ENOX1: variants seen among roughly 807,000 people sequenced by gnomAD.
ENOX1 encodes the protein ecto-NOX disulfide-thiol exchanger 1, also known as candidate growth-related and time keeping constitutive hydroquinone (NADH) oxidase.
A neutral mutation model predicts 82.5 loss-of-function variants in ENOX1; 42 were observed. The ratio of observed to expected loss-of-function variants is 0.51; its 90% CI spans 0.40 to 0.66. The LOEUF (loss-of-function observed/expected upper bound fraction) is 0.66, where lower values mean the gene tolerates loss of function less well. Ranked by LOEUF, ENOX1 falls within the 30% of genes least tolerant of loss-of-function variation. The pLI is 0.00. For synonymous variants in ENOX1, 271 were observed against 282.2 expected (o/e 0.96, Z 0.40); for missense variants, 608 against 811.6 (o/e 0.75, Z 3.05).
At chr13:43,365,939 C>T (rs1010596487) in intron 5 of ENOX1, among the ~76,000 whole-genome samples, 1 of 152,224 alleles carries the variant, frequency 6.6e-6, no homozygotes, top group Admixed American at 6.5e-5. Flanking sequence ...AACAAACATG[C>T]AATTGTGCTG....
intron 12 of ENOX1, among the ~76,000 whole-genome samples, chr13:43,294,550 C>T (rs1017281068): frequency 5.9e-5 from 9 of 152,148 alleles, no homozygotes; most frequent in South Asian, 2.1e-4. Context: ...ATGGTACAGA[C>T]GCTTGGGAAA....
At chr13:43,520,680 G>C (rs1566439706) in intron 2 of ENOX1, among the ~76,000 whole-genome samples, 1 of 152,176 alleles carries the variant, frequency 6.6e-6, no homozygotes. Flanking sequence ...GTCAGGTAGA[G>C]ATGGCATGTG....
chr13:43,769,964 G>A (rs1276479842), intron 1 of ENOX1, among the ~76,000 whole-genome samples: 1 of 152,212 alleles, frequency 6.6e-6, no homozygotes, highest in African/African-American at 2.4e-5. Context: ...TGCAAAAGGA[G>A]CGTATCTTTT....
chr13:43,421,508 A>G (rs2153607010), intron 3 of ENOX1, among the ~76,000 whole-genome samples: 1 of 152,288 alleles, frequency 6.6e-6, no homozygotes, highest in South Asian at 2.1e-4. Flanking sequence ...TAAATCAGGG[A>G]CCATCTGTGT....
intron 2 of ENOX1, among the ~76,000 whole-genome samples, chr13:43,643,648 T>TATATATATATAC (rs1291878348): frequency 6.7e-6 from 1 of 150,040 alleles, no homozygotes; most frequent in Non-Finnish European, 1.5e-5. Flanking sequence ...TATATATATA[T>TATATATATATAC]ACACACACAT....
chr13:43,303,567 T>A (rs969491262), intron 11 of ENOX1, among the ~76,000 whole-genome samples: 3 of 152,188 alleles, frequency 2.0e-5, no homozygotes, highest in Admixed American at 2.0e-4. Context: ...AGTCCCTCAG[T>A]CTCTGCCTGC....
At chr13:43,353,431 A>C (rs1031531204) in intron 8 of ENOX1, among the ~76,000 whole-genome samples, 2 of 152,250 alleles carry the variant, frequency 1.3e-5, no homozygotes, top group Non-Finnish European at 2.9e-5. Context: ...GGAGGAAAAA[A>C]ATCAAATCCA....
intron 15 of ENOX1, among the ~76,000 whole-genome samples, chr13:43,231,917 C>G (rs2042301365): frequency 1.3e-5 from 2 of 152,010 alleles, no homozygotes; most frequent in Non-Finnish European, 2.9e-5. Flanking sequence ...TTGCAATGAA[C>G]AGGATCACTT....
chr13:43,473,852 A>T (rs895895207), intron 3 of ENOX1, among the ~76,000 whole-genome samples: 3 of 152,134 alleles, frequency 2.0e-5, no homozygotes, highest in African/African-American at 7.2e-5. Flanking sequence ...GGTGCCCTGC[A>T]CTTTAATGTC....
chr13:43,677,196 G>A (rs946555394), intron 1 of ENOX1, among the ~76,000 whole-genome samples: 1 of 152,162 alleles, frequency 6.6e-6, no homozygotes, highest in Non-Finnish European at 1.5e-5. Context: ...CAGATGGCAA[G>A]CATGAAGGCA....
At chr13:43,336,703 C>T (rs924454887) in intron 9 of ENOX1, among the ~76,000 whole-genome samples, 6 of 151,962 alleles carry the variant, frequency 3.9e-5, no homozygotes, top group Non-Finnish European at 5.9e-5. Context: ...TATCCAGAGA[C>T]GATAAAGGAT....
intron 2 of ENOX1, among the ~76,000 whole-genome samples, chr13:43,654,442 T>A (rs1012111423): frequency 6.6e-6 from 1 of 152,216 alleles, no homozygotes; most frequent in African/African-American, 2.4e-5. Context: ...ATGTATCTAA[T>A]GTATAGATAG....
At chr13:43,300,391 A>G (rs958311250) in intron 11 of ENOX1, among the ~76,000 whole-genome samples, 1 of 152,226 alleles carries the variant, frequency 6.6e-6, no homozygotes, top group African/African-American at 2.4e-5. Flanking sequence ...AAATGAGTCG[A>G]GATGCATGAC....
Position 43,353,960 on chromosome 13 carries a change from G to A in ENOX1, c.823+1959C>T, listed in dbSNP as rs566847695. ...CAAATGCCACATACTTCATACGTGC[G>A]GAGACACTTCTGTACTGGGTTCTTA... On this transcript the variant is annotated intron_variant, in intron 8 of 16. Coordinates refer to ENST00000690772, the MANE Select transcript of ENOX1 (RefSeq NM_001347969.2). Among the ~76,000 whole-genome samples, 9 of 152,308 alleles carry A rather than the reference G, an allele frequency of 5.9e-5. No homozygotes were observed. In the South Asian group the frequency reaches 1.0e-3, roughly 18 times the overall value.
chr13:43,473,438 T>C (rs1280840819), intron 3 of ENOX1, among the ~76,000 whole-genome samples: 1 of 152,166 alleles, frequency 6.6e-6, no homozygotes, highest in African/African-American at 2.4e-5. Context: ...CAGTCTTTTG[T>C]GTGTGTGAAA....
rs1003064468 is a variant in ENOX1 at position 43,401,490 on chromosome 13, T to A, written c.208+10426A>T. Among the ~76,000 whole-genome samples the A allele has an allele frequency of 1.8e-4, 28 of 152,102 alleles. 1 individual carries two copies. Among genetic ancestry groups the A allele is most frequent in the Non-Finnish European group, 2.9e-5 (2 of 68,022 alleles). ...GAACAGAGCCTGAGGTCTGTCTGAA[T>A]TAGACATCTGGGGAAACCAATGCCC... On this transcript the variant is annotated intron_variant, in intron 5 of 16. Transcript: ENST00000690772.
At chr13:43,299,005 G>A (rs1412979592) in intron 11 of ENOX1, among the ~76,000 whole-genome samples, 16 of 152,154 alleles carry the variant, frequency 1.1e-4, no homozygotes. Context: ...GGGGAGAGAG[G>A]AAATTATATG....
intron 5 of ENOX1, among the ~76,000 whole-genome samples, chr13:43,377,622 G>A (rs576482132): frequency 9.5e-4 from 144 of 152,312 alleles, no homozygotes; most frequent in African/African-American, 3.4e-3. Flanking sequence ...GGAAAAGGTA[G>A]AGTAATTATT....
chr13:43,415,986 G>A (rs1349090448), intron 3 of ENOX1, among the ~76,000 whole-genome samples: 1 of 144,804 alleles, frequency 6.9e-6, no homozygotes, highest in Non-Finnish European at 1.5e-5. Context: ...AGGGCGGCCA[G>A]GCAGAGGCGC....
Sources: gnomAD v4.1 joint callset for allele counts (sites outside exome capture counted in the v4.1 genomes callset) on GRCh38, gnomAD v4.1.1 for gene constraint, MANE v1.5 for transcripts, NCBI Gene and HGNC (gene_info 2026-07-23, HGNC 2026-07-21) for gene names.